The following MGST2 variants were observed in gnomAD, a reference collection of about 807,000 sequenced individuals.
MGST2 encodes the protein microsomal glutathione S-transferase 2, also known as glutathione peroxidase MGST2.
Under a neutral mutation model 16.6 loss-of-function variants are expected in MGST2, and 9 were observed. The observed-to-expected ratio is 0.54, with a 90% CI of 0.33 to 0.95. MGST2 has a LOEUF of 0.95. Among genes scored for constraint, MGST2 ranks in the 40% least tolerant of loss-of-function variants. MGST2 has a pLI of 0.03. For missense variants in MGST2, 159 were observed against 175.1 expected (o/e 0.91, Z 0.52); for synonymous variants, 79 against 68.0 (o/e 1.16, Z -0.79).
intron 5 of MGST2, chr4:139,720,158 T>A: frequency 6.2e-7 from 1 of 1,614,078 alleles, no homozygotes; most frequent in Non-Finnish European, 8.5e-7. Context: ...CGTGGTGCTA[T>A]AAGGGGCCAG....
chr4:139,684,901 T>C (rs1338246274), intron 2 of MGST2, among the ~76,000 whole-genome samples: 1 of 152,126 alleles, frequency 6.6e-6, no homozygotes, highest in African/African-American at 2.4e-5. Flanking sequence ...CCTCCTGTGA[T>C]GGGGAGCAGG....
In MGST2 at chr4:139,730,187, C is replaced by G; in HGVS notation, c.*49-10025C>G. On this transcript the variant is annotated intron_variant, in intron 5 of 5. Coordinates refer to the MGST2 transcript ENST00000616265. ...GAAATGTCTCTGGCACACAGGCCTT[C>G]AAATTGATGGCTGGAGCCTGTCTTT... The G allele has an allele frequency of 3.4e-6, 2 of 583,478 alleles. 1 individual carries two copies. The highest frequency in any genetic ancestry group is 4.1e-5 in the South Asian group (2 of 48,274). 36.1% of individuals were successfully genotyped at this position (583,478 alleles called of 1,614,324 possible). A position where few individuals can be genotyped will look rare whatever the true frequency, so the allele number is the denominator to read the frequency against.
At chr4:139,754,067 G>A in the MGST2 span, among the ~76,000 whole-genome samples, 1 of 152,220 alleles carries the variant, frequency 6.6e-6, no homozygotes, top group Non-Finnish European at 1.5e-5. Context: ...AGTTATGAAT[G>A]TGATAATTAT....
chr4:139,728,228 C>CAA (rs922422807), intron 5 of MGST2, among the ~76,000 whole-genome samples: 1 of 151,806 alleles, frequency 6.6e-6, no homozygotes, highest in African/African-American at 2.4e-5. Context: ...ACAAAACAAA[C>CAA]AAAAAAAAGT....
chr4:139,715,584 G>A lies in MGST2; in HGVS notation c.*48+11388G>A, dbSNP rs1364655782. On this transcript the variant is annotated intron_variant, in intron 5 of 5. Transcript: ENST00000616265. The surrounding 1 kb of genome is among the most constrained non-coding windows in gnomAD (Gnocchi z 4.4). ...AATGGCTACTCCATAGAGCAGCCCC[G>A]AGGGCTGCTGGTTGTCCATTTTTAT... 1.3e-5 allele frequency among the ~76,000 whole-genome samples: 2 copies of A among 152,166 alleles called. No homozygotes were observed. The highest frequency in any genetic ancestry group is 2.9e-5 in the Non-Finnish European group (2 of 68,032).
At chr4:139,684,952 A>G (rs754387116) in intron 2 of MGST2, among the ~76,000 whole-genome samples, 1 of 152,142 alleles carries the variant, frequency 6.6e-6, no homozygotes, top group Non-Finnish European at 1.5e-5. Flanking sequence ...AGGGCAGCTA[A>G]GCCCTCCTTA....
chr4:139,666,221 C>A, intron 1 of MGST2, 144 bp downstream of exon 1: 1 of 832,280 alleles, frequency 1.2e-6, no homozygotes, highest in South Asian at 1.4e-5. Context: ...TCTGGGTCCT[C>A]AGAGCACAGT....
downstream of MGST2, among the ~76,000 whole-genome samples, chr4:139,708,894 C>G (rs1385172828): frequency 2.7e-5 from 4 of 150,490 alleles, no homozygotes; most frequent in African/African-American, 4.9e-5. Flanking sequence ...CTCAGCTACT[C>G]TGGAGGCTGA....
At chr4:139,672,068 G>A (rs745852670) in intron 1 of MGST2, among the ~76,000 whole-genome samples, 4 of 152,316 alleles carry the variant, frequency 2.6e-5, no homozygotes, top group Non-Finnish European at 5.9e-5. Context: ...CTTGGGGCTG[G>A]ACTGGGAGTA....
chr4:139,723,575 G>T (rs940458024), intron 5 of MGST2, among the ~76,000 whole-genome samples: 1 of 152,094 alleles, frequency 6.6e-6, no homozygotes, highest in Admixed American at 6.5e-5. Flanking sequence ...GCCTCCCAAC[G>T]TGCTGGGATT....
At chr4:139,721,618 CCTTT>C (rs1406619312) in intron 5 of MGST2, among the ~76,000 whole-genome samples, 2 of 152,026 alleles carry the variant, frequency 1.3e-5, no homozygotes, top group East Asian at 1.9e-4. Context: ...ATAGTTTCTT[CCTTT>C]CTTTAAGAAA....
the MGST2 span, among the ~76,000 whole-genome samples, chr4:139,746,844 C>A: frequency 1.3e-5 from 2 of 152,154 alleles, no homozygotes; most frequent in Non-Finnish European, 2.9e-5. Flanking sequence ...GGATTGCTTT[C>A]CTTCCTTTGA....
At chr4:139,721,478 C>G (rs1005699171) in intron 5 of MGST2, among the ~76,000 whole-genome samples, 10 of 152,312 alleles carry the variant, frequency 6.6e-5, no homozygotes, top group Non-Finnish European at 1.5e-4. Context: ...TTTGATCCCA[C>G]CTGGAACTGT....
At chr4:139,739,681 T>TTCTC (rs1299647907) in intron 5 of MGST2, among the ~76,000 whole-genome samples, 1 of 137,212 alleles carries the variant, frequency 7.3e-6, no homozygotes, top group African/African-American at 2.9e-5. Flanking sequence ...GGAAAGCAGT[T>TTCTC]TTTTTTTTTT....
chr4:139,671,097 T>G (rs986372307), intron 1 of MGST2, among the ~76,000 whole-genome samples: 1 of 152,150 alleles, frequency 6.6e-6, no homozygotes, highest in Admixed American at 6.5e-5. Flanking sequence ...TGCAGCCGGC[T>G]TTGTTAGTCT....
chr4:139,725,177 T>C (rs1728416342), intron 5 of MGST2, among the ~76,000 whole-genome samples: 1 of 152,200 alleles, frequency 6.6e-6, no homozygotes, highest in Non-Finnish European at 1.5e-5. Flanking sequence ...TGATTTAGGA[T>C]TCCCGCAAAC....
At chr4:139,746,991 T>C in the MGST2 span, among the ~76,000 whole-genome samples, 1 of 152,154 alleles carries the variant, frequency 6.6e-6, no homozygotes, top group Non-Finnish European at 1.5e-5. Context: ...CTTTCCCTCA[T>C]GGCCCAAGGC....
chr4:139,681,944 G>T (rs1402098302), intron 2 of MGST2, among the ~76,000 whole-genome samples: 2 of 152,066 alleles, frequency 1.3e-5, no homozygotes, highest in Non-Finnish European at 2.9e-5. Context: ...TAATCCCAGG[G>T]ACTCAGTAGG....
chr4:139,748,394 G>C, the MGST2 span, among the ~76,000 whole-genome samples: 3 of 152,260 alleles, frequency 2.0e-5, no homozygotes, highest in Middle Eastern at 3.4e-3. Context: ...CCAGGAGGAG[G>C]GTCTAGAAAT....
Sources: allele counts gnomAD v4.1 joint callset (sites outside exome capture counted in the v4.1 genomes callset), GRCh38; gene constraint gnomAD v4.1.1; non-coding constraint Gnocchi (gnomAD v3.1); transcripts MANE v1.5; gene names NCBI Gene and HGNC (gene_info 2026-07-23, HGNC 2026-07-21).